The following ZNRF1 variants were observed in gnomAD, a reference collection of about 807,000 sequenced individuals.
ZNRF1 encodes the protein zinc and ring finger 1, also known as E3 ubiquitin-protein ligase ZNRF1.
Under a neutral mutation model 18.4 loss-of-function variants are expected in ZNRF1, and 3 were observed. The observed-to-expected ratio is 0.16, with a 90% CI of 0.07 to 0.42. The LOEUF (loss-of-function observed/expected upper bound fraction) is 0.42, where lower values mean the gene tolerates loss of function less well. Among genes scored for constraint, ZNRF1 ranks in the 10% least tolerant of loss-of-function variants. ZNRF1 has a pLI of 0.99. For missense variants in ZNRF1, 310 were observed against 329.8 expected (o/e 0.94, Z 0.47); for synonymous variants, 157 against 144.2 (o/e 1.09, Z -0.64).
chr16:75,041,207 T>C (rs79001966), intron 1 of ZNRF1, among the ~76,000 whole-genome samples: 1 of 152,232 alleles, frequency 6.6e-6, no homozygotes, highest in Admixed American at 6.5e-5. Flanking sequence ...TACATTTTCA[T>C]GGGCAATGGT....
chr16:75,081,792 C>G (rs1478638618), intron 1 of ZNRF1, among the ~76,000 whole-genome samples: 2 of 152,176 alleles, frequency 1.3e-5, no homozygotes, highest in Admixed American at 6.5e-5. Flanking sequence ...TCTTGGGCTA[C>G]TGCACCAAGA....
chr16:75,064,372 A>T (rs905945640), intron 1 of ZNRF1, among the ~76,000 whole-genome samples: 1 of 152,028 alleles, frequency 6.6e-6, no homozygotes, highest in African/African-American at 2.4e-5. Context: ...CCTGGCCAAC[A>T]TGGTGAAACA....
chr16:75,095,856 C>G (rs990885755), intron 2 of ZNRF1: 15 of 1,035,040 alleles, frequency 1.4e-5, no homozygotes, highest in Middle Eastern at 6.8e-4. Context: ...GTTGGTTTAC[C>G]CCCCTACACC....
intron 1 of ZNRF1, among the ~76,000 whole-genome samples, chr16:75,053,303 C>CA (rs1227307808): frequency 1.3e-5 from 2 of 152,026 alleles, no homozygotes; most frequent in Non-Finnish European, 2.9e-5. Flanking sequence ...TAAAAATCGC[C>CA]AATGGCTGGG....
At chr16:75,064,685 G>GT (rs1439227829) in intron 1 of ZNRF1, among the ~76,000 whole-genome samples, 2 of 152,320 alleles carry the variant, frequency 1.3e-5, no homozygotes, top group African/African-American at 4.8e-5. Context: ...TGCCGCTGTG[G>GT]TTTTTTCTTC....
intron 1 of ZNRF1, among the ~76,000 whole-genome samples, chr16:75,024,113 A>AC (rs2035190807): frequency 3.3e-5 from 5 of 151,920 alleles, no homozygotes; most frequent in Admixed American, 3.3e-4. Context: ...CAGGTGATCC[A>AC]CCTGCCTTGG....
At chr16:75,062,880 T>G (rs960401279) in intron 1 of ZNRF1, among the ~76,000 whole-genome samples, 2 of 152,208 alleles carry the variant, frequency 1.3e-5, no homozygotes, top group Non-Finnish European at 2.9e-5. Context: ...CTGACAATAT[T>G]ATAGAACATT....
At position 75,050,906 on chromosome 16, in the gene ZNRF1, C is replaced by T. The variant is rs1323984315; in HGVS notation, c.425-42666C>T. Among the ~76,000 whole-genome samples, 25 of 111,010 alleles carry T rather than the reference C, an allele frequency of 2.3e-4. 1 individual carries two copies. The highest frequency in any genetic ancestry group is 9.8e-4 in the South Asian group (3 of 3,048). 72.8% of individuals were successfully genotyped at this position (111,010 alleles called of 152,430 possible). ...AAAAAAAACAAAAAAAAACAAAAAA[C>T]TTGTAGCCAGGTACAGTGGCTCACA... On this transcript the variant is annotated intron_variant, in intron 1 of 4. Coordinates refer to ENST00000335325, the MANE Select transcript of ZNRF1 (RefSeq NM_032268.5).
chr16:75,047,322 G>A (rs957974726), intron 1 of ZNRF1, among the ~76,000 whole-genome samples: 1 of 152,152 alleles, frequency 6.6e-6, no homozygotes, highest in Non-Finnish European at 1.5e-5. Context: ...ACAGGTGCAT[G>A]CCACCATGCC....
chr16:75,080,156 T>C (rs910164000), intron 1 of ZNRF1, among the ~76,000 whole-genome samples: 1 of 152,194 alleles, frequency 6.6e-6, no homozygotes, highest in Non-Finnish European at 1.5e-5. Context: ...CCTGAGGTGA[T>C]CTGCCCACCT....
chr16:75,021,483 C>T (rs919716322), intron 1 of ZNRF1, among the ~76,000 whole-genome samples: 1 of 152,196 alleles, frequency 6.6e-6, no homozygotes, highest in Admixed American at 6.5e-5. Context: ...GTTAAATTTC[C>T]TTCTTCCAGA....
chr16:75,053,046 T>A (rs1321152621), intron 1 of ZNRF1, among the ~76,000 whole-genome samples: 1 of 152,170 alleles, frequency 6.6e-6, no homozygotes, highest in Non-Finnish European at 1.5e-5. Context: ...GGGAGGAGCC[T>A]CCTGAGCAAA....
intron 1 of ZNRF1, among the ~76,000 whole-genome samples, chr16:75,021,338 T>C (rs2035145017): frequency 6.6e-6 from 1 of 152,208 alleles, no homozygotes; most frequent in South Asian, 2.1e-4. Flanking sequence ...GCGCCTGGCC[T>C]TCCCCTTTGC....
intron 2 of ZNRF1, among the ~76,000 whole-genome samples, chr16:75,097,976 C>T (rs1457257000): frequency 5.3e-5 from 8 of 152,250 alleles, no homozygotes; most frequent in Non-Finnish European, 7.3e-5. Flanking sequence ...CTACCCTTTC[C>T]CTGCCTGGGG....
intron 1 of ZNRF1, among the ~76,000 whole-genome samples, chr16:75,043,417 C>G (rs1280647334): frequency 6.6e-6 from 1 of 152,128 alleles, no homozygotes; most frequent in African/African-American, 2.4e-5. Context: ...GGCTGTTCTT[C>G]TTTTACATTT....
In ZNRF1 at chr16:75,095,465, C is replaced by G. The variant is rs2036187278; in HGVS notation, c.520+1798C>G. ...GGAGGGAGAGGAGCCTTCCCTGCGT[C>G]TCACAGCCCTCCCTAGCCATGGCCT... is the stretch of plus-strand genomic sequence containing the variant. On this transcript the variant is annotated intron_variant, in intron 2 of 4. Transcript: ENST00000335325. The G allele has an allele frequency of 6.4e-6, 6 of 937,480 alleles. 1 individual carries two copies. The Admixed American group carries it at 9.1e-5, about 14-fold the overall frequency. The allele number at this position is 937,480 out of a possible 1,614,324, so 58.1% of individuals were successfully genotyped here.
At chr16:75,063,942 C>T (rs943706296) in intron 1 of ZNRF1, among the ~76,000 whole-genome samples, 1 of 152,186 alleles carries the variant, frequency 6.6e-6, no homozygotes, top group Admixed American at 6.6e-5. Flanking sequence ...AGCCAGTCTC[C>T]TGGCTTAGGA....
At chr16:75,061,009 A>AGTAAT (rs1475929408) in intron 1 of ZNRF1, among the ~76,000 whole-genome samples, 3 of 152,198 alleles carry the variant, frequency 2.0e-5, no homozygotes, top group Non-Finnish European at 2.9e-5. Flanking sequence ...TAAAAAAAAT[A>AGTAAT]GTAATACATT....
intron 1 of ZNRF1, among the ~76,000 whole-genome samples, chr16:75,077,789 G>A (rs974246756): frequency 1.3e-5 from 2 of 152,166 alleles, no homozygotes; most frequent in African/African-American, 4.8e-5. Context: ...TGGAGGCCAC[G>A]CTTTCCTTGG....
Sources: gnomAD v4.1 joint callset for allele counts (sites outside exome capture counted in the v4.1 genomes callset) on GRCh38, gnomAD v4.1.1 for gene constraint, MANE v1.5 for transcripts, NCBI Gene and HGNC (gene_info 2026-07-23, HGNC 2026-07-21) for gene names.